The following MYO16 variants were observed in gnomAD, a reference collection of about 807,000 sequenced individuals.
MYO16 encodes unconventional myosin-XVI.
MYO16 carries 94 observed loss-of-function variants against 205.3 expected under a neutral mutation model. The observed-to-expected ratio is 0.46, with a 90% CI of 0.39 to 0.54. The LOEUF is 0.54. Ranked by LOEUF, MYO16 falls within the 20% of genes least tolerant of loss-of-function variation. The pLI, the probability that MYO16 is intolerant of heterozygous loss-of-function variation, is 0.00. For synonymous variants in MYO16, 988 were observed against 954.0 expected (o/e 1.04, Z -0.66); for missense variants, 2,315 against 2,387.5 (o/e 0.97, Z 0.63).
chr13:108,958,130 T>A (rs1176809789), intron 17 of MYO16, among the ~76,000 whole-genome samples: 1 of 147,038 alleles, frequency 6.8e-6, no homozygotes, highest in Non-Finnish European at 1.5e-5. Context: ...ATACATTATA[T>A]ATATTTTTAA....
intron 23 of MYO16, among the ~76,000 whole-genome samples, chr13:109,032,306 G>A (rs919211785): frequency 2.6e-5 from 4 of 152,154 alleles, no homozygotes; most frequent in African/African-American, 9.7e-5. Flanking sequence ...CTCCATCTGT[G>A]GTGTGGTCTT....
At chr13:108,619,628 A>G (rs1879469136) in intron 1 of MYO16, among the ~76,000 whole-genome samples, 1 of 152,172 alleles carries the variant, frequency 6.6e-6, no homozygotes, top group African/African-American at 2.4e-5. Flanking sequence ...ACAGCGATAC[A>G]TCAGTGCAGC....
At chr13:108,744,592 C>T (rs2139620666) in intron 4 of MYO16, among the ~76,000 whole-genome samples, 1 of 152,346 alleles carries the variant, frequency 6.6e-6, no homozygotes, top group Non-Finnish European at 1.5e-5. Flanking sequence ...GACTTCAGCC[C>T]ACTGGAGCCC....
intron 16 of MYO16, among the ~76,000 whole-genome samples, chr13:108,943,980 T>G (rs1882836309): frequency 1.3e-5 from 2 of 152,196 alleles, no homozygotes; most frequent in Non-Finnish European, 2.9e-5. Flanking sequence ...TGGAACTTAG[T>G]GGGAAGTGAG....
At chr13:108,769,459 A>T (rs560148332) in intron 4 of MYO16, among the ~76,000 whole-genome samples, 10 of 152,206 alleles carry the variant, frequency 6.6e-5, no homozygotes, top group African/African-American at 2.4e-4. Flanking sequence ...AAACCAAGGG[A>T]AAGGGGAGCT....
chr13:108,720,040 C>A (rs1294153209), intron 3 of MYO16, among the ~76,000 whole-genome samples: 1 of 152,146 alleles, frequency 6.6e-6, no homozygotes, highest in Non-Finnish European at 1.5e-5. Flanking sequence ...GTTCAATTGG[C>A]TGGAAGCTGC....
At chr13:109,056,862 A>G (rs1325206961) in intron 27 of MYO16, among the ~76,000 whole-genome samples, 1 of 152,196 alleles carries the variant, frequency 6.6e-6, no homozygotes, top group Non-Finnish European at 1.5e-5. Flanking sequence ...TCTTAAAATA[A>G]TACTGATGTA....
intron 3 of MYO16, among the ~76,000 whole-genome samples, chr13:108,722,382 G>C (rs994165662): frequency 2.6e-5 from 4 of 152,116 alleles, no homozygotes; most frequent in African/African-American, 9.7e-5. Flanking sequence ...ATTGTAACAG[G>C]AATGTTCCAC....
At chr13:108,920,935 C>A (rs1881721837) in intron 16 of MYO16, among the ~76,000 whole-genome samples, 2 of 152,170 alleles carry the variant, frequency 1.3e-5, no homozygotes, top group Admixed American at 1.3e-4. Context: ...CCCTCATAGA[C>A]CAATGCAGTT....
intron 27 of MYO16, among the ~76,000 whole-genome samples, chr13:109,067,720 G>T (rs1341837975): frequency 6.6e-6 from 1 of 152,064 alleles, no homozygotes; most frequent in Non-Finnish European, 1.5e-5. Flanking sequence ...AGTTAATTTT[G>T]TAGAGTTTCC....
intron 27 of MYO16, among the ~76,000 whole-genome samples, chr13:109,095,905 G>A (rs1371665370): frequency 6.6e-6 from 1 of 152,196 alleles, no homozygotes; most frequent in Non-Finnish European, 1.5e-5. Flanking sequence ...TTACTGTTGA[G>A]TTTTACTTTT....
rs773262884 is a variant in MYO16 at position 109,140,276 on chromosome 13, C to T, written c.4064C>T (p.Pro1355Leu). ...REAANEALAR[P>L]RPHSDDYSTM... ...TTTCCTGCCGCAGCTCTGGCCCGGCCCAGACCGCACAGCGACGACTACAGC... is the reference window on the plus strand; with the variant it reads ...TTTCCTGCCGCAGCTCTGGCCCGGCTCAGACCGCACAGCGACGACTACAGC... The change falls in exon 32 of 35, where the codon CCC (proline) becomes CTC (leucine). Residue 1355 changes from proline (P) to leucine (L), a missense_variant. Pro to Leu is a moderately conservative substitution (Grantham distance 98). This residue lies in a region of MYO16 where 1,097 missense variants were observed against 1,092.0 expected (regional missense o/e 1.00). Transcript: ENST00000457511. This position sits in a 1 kb window ranked among gnomAD's most constrained non-coding sequence, Gnocchi z 8.0. The T allele has an allele frequency of 6.3e-7, 1 of 1,599,966 alleles. No individual in the cohort carries two copies. The highest frequency in any genetic ancestry group is 2.2e-5 in the East Asian group (1 of 44,676).
At chr13:108,678,772 A>G (rs1882335640) in intron 2 of MYO16, among the ~76,000 whole-genome samples, 1 of 152,102 alleles carries the variant, frequency 6.6e-6, no homozygotes, top group Non-Finnish European at 1.5e-5. Flanking sequence ...CCCCTCTGCA[A>G]ATTCTAGAGA....
chr13:108,796,723 C>T (rs566874731), intron 6 of MYO16, among the ~76,000 whole-genome samples: 29 of 138,016 alleles, frequency 2.1e-4, no homozygotes, highest in Non-Finnish European at 1.7e-4. Context: ...ATAATGAGAA[C>T]ACATGGACAC....
chr13:108,795,463 C>T (rs1886760711), intron 6 of MYO16, among the ~76,000 whole-genome samples: 1 of 152,134 alleles, frequency 6.6e-6, no homozygotes, highest in African/African-American at 2.4e-5. Flanking sequence ...CCGCCTTGGC[C>T]TCCCAAAGTG....
chr13:108,599,330 G>A (rs887801200), intron 1 of MYO16, among the ~76,000 whole-genome samples: 1 of 148,604 alleles, frequency 6.7e-6, no homozygotes, highest in Admixed American at 6.8e-5. Flanking sequence ...ATAGCAGCAT[G>A]ATTTATAGTC....
At chr13:108,551,037 C>A in the MYO16 span, among the ~76,000 whole-genome samples, 2 of 152,168 alleles carry the variant, frequency 1.3e-5, no homozygotes, top group African/African-American at 4.8e-5. Flanking sequence ...ACCGAAACAA[C>A]ATTGTTGCCT....
Position 108,992,457 on chromosome 13 carries a change from T to C in MYO16, c.2442+9T>C. On this transcript the variant is annotated intron_variant, in intron 21 of 34. Transcript: ENST00000457511. ...AGAATGAATTTGAACAAGTAAGTAG[T>C]CTTTCTTTTAAAATTGTGTGAACTT... The C allele has an allele frequency of 1.3e-6, 2 of 1,527,958 alleles. No homozygotes were observed. Among genetic ancestry groups the C allele is most frequent in the Non-Finnish European group, 1.8e-6 (2 of 1,106,420 alleles). 94.7% of individuals were successfully genotyped at this position (1,527,958 alleles called of 1,614,324 possible).
At chr13:108,496,416 A>T in the MYO16 span, among the ~76,000 whole-genome samples, 1 of 152,184 alleles carries the variant, frequency 6.6e-6, no homozygotes, top group East Asian at 1.9e-4. Flanking sequence ...ACAAAGATGT[A>T]GAGTGAAGGA....
Sources: allele counts gnomAD v4.1 joint callset (sites outside exome capture counted in the v4.1 genomes callset), GRCh38; gene constraint gnomAD v4.1.1; regional missense constraint gnomAD v4.1.1; non-coding constraint Gnocchi (gnomAD v3.1); transcripts MANE v1.5; gene names NCBI Gene and HGNC (gene_info 2026-07-23, HGNC 2026-07-21).